Variants in CNTN5 observed in about 807,000 individuals in gnomAD.
CNTN5 encodes contactin 5.
A neutral mutation model predicts 129.1 loss-of-function variants in CNTN5; 77 were observed. That is an observed-to-expected ratio of 0.60 (90% CI 0.50 to 0.72). CNTN5 has a LOEUF of 0.72. Ranked by LOEUF, CNTN5 falls within the 30% of genes least tolerant of loss-of-function variation. CNTN5 has a pLI of 0.00. For missense variants in CNTN5, 1,478 were observed against 1,328.8 expected (o/e 1.11, Z -1.75); for synonymous variants, 509 against 465.6 (o/e 1.09, Z -1.20).
intron 2 of CNTN5, among the ~76,000 whole-genome samples, chr11:99,463,782 A>ATGT (rs200165716): frequency 6.6e-6 from 1 of 152,054 alleles, no homozygotes; most frequent in East Asian, 1.9e-4. Context: ...AAATTAATTA[A>ATGT]ATTCTGTAAA....
chr11:99,314,963 C>A (rs540613270), intron 1 of CNTN5, among the ~76,000 whole-genome samples: 1 of 139,400 alleles, frequency 7.2e-6, no homozygotes, highest in African/African-American at 2.7e-5. Flanking sequence ...GGTGGGGGGA[C>A]GGGGTGTTGA....
intron 1 of CNTN5, among the ~76,000 whole-genome samples, chr11:99,086,578 C>A (rs1304239648): frequency 6.6e-6 from 1 of 152,156 alleles, no homozygotes; most frequent in Non-Finnish European, 1.5e-5. Context: ...CAGCATGATT[C>A]ACTGGGCAGG....
At chr11:99,685,373 C>T (rs902575221) in intron 3 of CNTN5, among the ~76,000 whole-genome samples, 9 of 151,798 alleles carry the variant, frequency 5.9e-5, no homozygotes, top group Admixed American at 2.6e-4. Context: ...ATATATGTCA[C>T]TTAGGTCATA....
chr11:99,898,496 A>G (rs758260321), intron 6 of CNTN5, among the ~76,000 whole-genome samples: 2 of 152,038 alleles, frequency 1.3e-5, no homozygotes, highest in African/African-American at 4.8e-5. Flanking sequence ...TCCTGCTTCA[A>G]TAAGCTCACT....
intron 1 of CNTN5, among the ~76,000 whole-genome samples, chr11:99,057,710 C>T (rs1161889519): frequency 6.6e-6 from 1 of 151,552 alleles, no homozygotes; most frequent in Non-Finnish European, 1.5e-5. Flanking sequence ...AAAAAAAGTG[C>T]CCACTGTAAT....
At chr11:99,888,079 A>G (rs1273933459) in intron 6 of CNTN5, among the ~76,000 whole-genome samples, 1 of 152,204 alleles carries the variant, frequency 6.6e-6, no homozygotes, top group Non-Finnish European at 1.5e-5. Flanking sequence ...CTACATCATA[A>G]GGCTACTTTT....
In CNTN5 at chr11:99,028,101, A is replaced by G. The variant is rs139346519; in HGVS notation, c.-210+6831A>G. Reference sequence around the variant, plus strand: ...TACATTCAATTCTTTAACATTTTCAAATAACAGTAATCTTAGTAAGAAGGA... The same window carrying G: ...TACATTCAATTCTTTAACATTTTCAGATAACAGTAATCTTAGTAAGAAGGA... On this transcript the variant is annotated intron_variant, in intron 1 of 24. Coordinates refer to ENST00000524871, the MANE Select transcript of CNTN5 (RefSeq NM_014361.4). Among the ~76,000 whole-genome samples the G allele has an allele frequency of 6.6e-3, 1,008 of 151,932 alleles. 14 individuals carry two copies. The highest frequency in any genetic ancestry group is 0.023 in the African/African-American group (964 of 41,540).
intron 8 of CNTN5, among the ~76,000 whole-genome samples, chr11:99,993,578 G>A (rs1057316243): frequency 2.0e-5 from 3 of 152,074 alleles, no homozygotes; most frequent in Non-Finnish European, 4.4e-5. Flanking sequence ...TGCATGCACA[G>A]TTCACAACAG....
At chr11:99,423,014 GT>G (rs1319699603) in intron 2 of CNTN5, among the ~76,000 whole-genome samples, 3 of 152,192 alleles carry the variant, frequency 2.0e-5, no homozygotes, top group African/African-American at 7.2e-5. Flanking sequence ...TAAATAGAAT[GT>G]GATGCAATCA....
At chr11:99,689,419 T>C (rs949342822) in intron 3 of CNTN5, among the ~76,000 whole-genome samples, 3 of 144,844 alleles carry the variant, frequency 2.1e-5, no homozygotes, top group African/African-American at 7.6e-5. Flanking sequence ...CCCAGCTGCT[T>C]GGGAGGCTGA....
chr11:99,586,172 C>G (rs2851594), intron 3 of CNTN5, among the ~76,000 whole-genome samples: 39,599 of 151,874 alleles, frequency 0.26, 5,479 homozygotes, highest in Middle Eastern at 0.33. Flanking sequence ...CTCTTTCAAC[C>G]CATCCTGAAA....
At position 99,499,105 on chromosome 11, in the gene CNTN5, G is replaced by A. The variant is rs143953669; in HGVS notation, c.-70-57040G>A. On this transcript the variant is annotated intron_variant, in intron 2 of 24. Coordinates refer to ENST00000524871, the MANE Select transcript of CNTN5 (RefSeq NM_014361.4). Reference sequence around the variant, plus strand: ...ATCAGATAGAAGATATTTTTGGTCAGTGATATCATATCTAAATTTTGTCAC... The same window carrying A: ...ATCAGATAGAAGATATTTTTGGTCAATGATATCATATCTAAATTTTGTCAC... 2.0e-4 allele frequency among the ~76,000 whole-genome samples: 30 copies of A among 152,266 alleles called. No individual in the cohort carries two copies. The East Asian group carries it at 5.2e-3, about 26-fold the overall frequency.
chr11:99,039,465 A>G (rs17132859), intron 1 of CNTN5, among the ~76,000 whole-genome samples: 6,454 of 152,230 alleles, frequency 0.042, 477 homozygotes, highest in East Asian at 0.23. Context: ...CAGAAAAGCC[A>G]TGCTGCTCTT....
chr11:100,105,042 T>C (rs1416797903), intron 13 of CNTN5, among the ~76,000 whole-genome samples: 1 of 152,206 alleles, frequency 6.6e-6, no homozygotes, highest in Admixed American at 6.5e-5. Context: ...TATTTTACAC[T>C]GATTTCACCA....
At chr11:99,408,789 GC>G (rs1479153903) in intron 2 of CNTN5, among the ~76,000 whole-genome samples, 1 of 152,150 alleles carries the variant, frequency 6.6e-6, no homozygotes, top group East Asian at 1.9e-4. Flanking sequence ...GTCAGAGCCT[GC>G]CTACTTTAAT....
intron 1 of CNTN5, among the ~76,000 whole-genome samples, chr11:99,025,858 A>C (rs1041225494): frequency 1.3e-5 from 2 of 151,682 alleles, no homozygotes; most frequent in Non-Finnish European, 3.0e-5. Flanking sequence ...TATACTTAGA[A>C]GTATTAAGGA....
intron 2 of CNTN5, among the ~76,000 whole-genome samples, chr11:99,327,850 A>G (rs1305495443): frequency 2.0e-5 from 3 of 152,194 alleles, no homozygotes; most frequent in Non-Finnish European, 4.4e-5. Context: ...TCAGCCTTTG[A>G]GAATGAAATG....
intron 3 of CNTN5, among the ~76,000 whole-genome samples, chr11:99,583,875 C>T (rs1266175481): frequency 6.6e-6 from 1 of 152,100 alleles, no homozygotes; most frequent in African/African-American, 2.4e-5. Flanking sequence ...GAACTCGGTA[C>T]CTCAGTTGGA....
chr11:99,730,689 A>G (rs1943501240), intron 3 of CNTN5, among the ~76,000 whole-genome samples: 1 of 152,022 alleles, frequency 6.6e-6, no homozygotes, highest in African/African-American at 2.4e-5. Flanking sequence ...CTAATACATA[A>G]CATTTCTACA....
Sources: allele counts gnomAD v4.1 joint callset (sites outside exome capture counted in the v4.1 genomes callset), GRCh38; gene constraint gnomAD v4.1.1; transcripts MANE v1.5; gene names NCBI Gene and HGNC (gene_info 2026-07-23, HGNC 2026-07-21).